The following RALGPS1 variants were observed in gnomAD, a reference collection of about 807,000 sequenced individuals.
The protein encoded by RALGPS1 is ras-specific guanine nucleotide-releasing factor RalGPS1.
RALGPS1 carries 19 observed loss-of-function variants against 78.8 expected under a neutral mutation model. The observed-to-expected ratio is 0.24, with a 90% CI of 0.17 to 0.35. The LOEUF (loss-of-function observed/expected upper bound fraction) is 0.35, where lower values mean the gene tolerates loss of function less well. Among genes scored for constraint, RALGPS1 ranks in the 10% least tolerant of loss-of-function variants. The probability of loss-of-function intolerance (pLI) is 1.00; values close to 1 mark genes in which losing one functional copy is unlikely to be tolerated. For synonymous variants in RALGPS1, 228 were observed against 256.3 expected (o/e 0.89, Z 1.06); for missense variants, 454 against 688.3 (o/e 0.66, Z 3.81).
rs893617381 is a variant in RALGPS1 at position 127,099,981 on chromosome 9, A to C, written c.610+30625A>C. On this transcript the variant is annotated intron_variant, in intron 8 of 18. Coordinates refer to ENST00000259351, the MANE Select transcript of RALGPS1 (RefSeq NM_014636.3). The stretch of plus-strand genomic sequence containing the variant: ...GACTTACTGGCTCTAAAATATGAAA[A>C]GAAAACTGCAAAATCAAAATTTATT... 7.9e-5 allele frequency among the ~76,000 whole-genome samples: 12 copies of C among 152,380 alleles called. No individual in the cohort carries two copies. In the East Asian group the frequency reaches 1.2e-3, roughly 15 times the overall value.
At chr9:126,918,975 A>T (rs1476457614) in intron 1 of RALGPS1, among the ~76,000 whole-genome samples, 1 of 152,124 alleles carries the variant, frequency 6.6e-6, no homozygotes, top group East Asian at 1.9e-4. Context: ...GGGCCCACAC[A>T]TGGATTTTTT....
chr9:127,094,391 T>C (rs1344007240), intron 8 of RALGPS1, among the ~76,000 whole-genome samples: 1 of 150,232 alleles, frequency 6.7e-6, no homozygotes, highest in Non-Finnish European at 1.5e-5. Flanking sequence ...GCTTTGCTTC[T>C]GCAAGGAAAC....
intron 14 of RALGPS1, among the ~76,000 whole-genome samples, chr9:127,201,625 C>T (rs1413716621): frequency 6.6e-6 from 1 of 152,218 alleles, no homozygotes; most frequent in African/African-American, 2.4e-5. Context: ...TGGCTCTCTT[C>T]TTTCAGTTAC....
intron 11 of RALGPS1, among the ~76,000 whole-genome samples, chr9:127,188,123 G>A (rs970014322): frequency 1.4e-5 from 2 of 143,024 alleles, no homozygotes; most frequent in African/African-American, 2.6e-5. Flanking sequence ...GTGCAGTGGC[G>A]CGATCTAGGC....
At chr9:126,952,332 T>C (rs1432599896) in intron 1 of RALGPS1, among the ~76,000 whole-genome samples, 2 of 152,058 alleles carry the variant, frequency 1.3e-5, no homozygotes, top group Non-Finnish European at 2.9e-5. Context: ...AGTGGTGTAG[T>C]TTGAAAGAAG....
At chr9:127,093,640 C>T in intron 8 of RALGPS1, 2 of 1,472,014 alleles carry the variant, frequency 1.4e-6, no homozygotes, top group Non-Finnish European at 1.9e-6. Flanking sequence ...CAGCATGTAC[C>T]TCTGAGTGGG....
At chr9:127,010,231 T>C (rs999529080) in intron 4 of RALGPS1, among the ~76,000 whole-genome samples, 2 of 152,056 alleles carry the variant, frequency 1.3e-5, no homozygotes, top group African/African-American at 4.8e-5. Context: ...CAGGCTCTAG[T>C]TGTTCATCTC....
intron 4 of RALGPS1, among the ~76,000 whole-genome samples, chr9:126,983,904 A>G (rs2041555706): frequency 1.3e-5 from 2 of 152,018 alleles, no homozygotes; most frequent in Non-Finnish European, 2.9e-5. Context: ...GGTACTTTGT[A>G]TCACATGTCA....
chr9:126,920,312 C>T (rs1255172091), intron 1 of RALGPS1, among the ~76,000 whole-genome samples: 1 of 152,164 alleles, frequency 6.6e-6, no homozygotes, highest in East Asian at 1.9e-4. Flanking sequence ...GACTCTGAGA[C>T]AGGCATGTGC....
In RALGPS1 at chr9:126,990,213, C is replaced by T; in HGVS notation, c.216+12468C>T. 5.2e-6 allele frequency: 3 copies of T among 577,974 alleles called. 1 individual carries two copies. Among genetic ancestry groups the T allele is most frequent in the South Asian group, 4.4e-5 (2 of 44,980 alleles). The allele number at this position is 577,974 out of a possible 1,614,324, so 35.8% of individuals were successfully genotyped here. ...TTTCCCTGACATCATTAAAACCCCT[C>T]TCTCAGGTCACATGCTGGGCAGTTT... On this transcript the variant is annotated intron_variant, in intron 4 of 18. Coordinates refer to ENST00000259351, the MANE Select transcript of RALGPS1 (RefSeq NM_014636.3).
intron 5 of RALGPS1, among the ~76,000 whole-genome samples, chr9:127,047,434 C>T (rs1007624964): frequency 6.6e-6 from 1 of 152,184 alleles, no homozygotes; most frequent in African/African-American, 2.4e-5. Flanking sequence ...CATGGTGGCT[C>T]ATGCCTGTAA....
At chr9:126,995,623 G>A (rs1383692752) in intron 4 of RALGPS1, among the ~76,000 whole-genome samples, 1 of 151,928 alleles carries the variant, frequency 6.6e-6, no homozygotes, top group Non-Finnish European at 1.5e-5. Context: ...ACAGATCAAC[G>A]AGACAGAAAG....
intron 2 of RALGPS1, 142 bp downstream of exon 2, chr9:126,962,488 C>A: frequency 1.2e-6 from 1 of 826,906 alleles, no homozygotes; most frequent in South Asian, 1.6e-5. Context: ...CCTGGCCATG[C>A]CAGGCGTGAG....
intron 7 of RALGPS1, 105 bp downstream of exon 7, chr9:127,053,044 A>G: frequency 1.2e-6 from 1 of 826,324 alleles, no homozygotes; most frequent in Admixed American, 1.9e-5. Context: ...TACTTTGCCA[A>G]CAACAGAGTT....
chr9:127,075,133 G>A (rs1043956727), intron 8 of RALGPS1, among the ~76,000 whole-genome samples: 5 of 152,202 alleles, frequency 3.3e-5, no homozygotes, highest in Non-Finnish European at 7.3e-5. Context: ...TTCCTGGCAG[G>A]TGCTTCCCAA....
chr9:127,194,991 C>G (rs113377352), intron 11 of RALGPS1, 100 bp from the exon 12 acceptor site: 6 of 1,458,786 alleles, frequency 4.1e-6, no homozygotes, highest in African/African-American at 1.4e-5. Context: ...AGTTGCTGTA[C>G]TTCAAACCCG....
At chr9:126,957,107 T>C (rs2038418353) in intron 1 of RALGPS1, among the ~76,000 whole-genome samples, 1 of 152,228 alleles carries the variant, frequency 6.6e-6, no homozygotes, top group Non-Finnish European at 1.5e-5. Flanking sequence ...GCTAATCATG[T>C]GATGCTTAGC....
Position 127,110,298 on chromosome 9 carries a change from T to G in RALGPS1, c.610+40942T>G, listed in dbSNP as rs967307980. On this transcript the variant is annotated intron_variant, in intron 8 of 18. Transcript: ENST00000259351. ...CATTAATATTTTCCCTCTCACACTG[T>G]GGGATACAGTTGGGCTCCCTTCTTG... Among the ~76,000 whole-genome samples the G allele has an allele frequency of 2.6e-5, 4 of 152,306 alleles. No individual in the cohort carries two copies. The East Asian group carries it at 7.7e-4, about 29-fold the overall frequency.
At position 127,071,114 on chromosome 9, in the gene RALGPS1, A is replaced by G. The variant is rs2050165010; in HGVS notation, c.610+1758A>G. ...AAAACTAAAAAATACTAAAGCAAAC[A>G]TATATATATATATATATGGTTATAT... On this transcript the variant is annotated intron_variant, in intron 8 of 18. Coordinates refer to ENST00000259351, the MANE Select transcript of RALGPS1 (RefSeq NM_014636.3). 2.3e-4 allele frequency among the ~76,000 whole-genome samples: 7 copies of G among 30,182 alleles called. No individual in the cohort carries two copies. In the South Asian group the frequency reaches 3.6e-3, roughly 16 times the overall value. 19.8% of individuals were successfully genotyped at this position (30,182 alleles called of 152,430 possible).
Sources: allele counts gnomAD v4.1 joint callset (sites outside exome capture counted in the v4.1 genomes callset), GRCh38; gene constraint gnomAD v4.1.1; transcripts MANE v1.5; gene names NCBI Gene and HGNC (gene_info 2026-07-23, HGNC 2026-07-21).